The following PUDP variants were observed in gnomAD, a reference collection of about 807,000 sequenced individuals.
PUDP encodes the protein pseudouridine-5'-phosphatase.
In PUDP, 8 loss-of-function variants were observed where a neutral mutation model predicts 9.4. That is an observed-to-expected ratio of 0.85 (90% confidence interval 0.50 to 1.53). PUDP has a LOEUF of 1.53. Among genes scored for constraint, PUDP ranks in the 40% most tolerant of loss-of-function variants. The pLI is 0.00. For synonymous variants in PUDP, 99 were observed against 80.7 expected, an observed-to-expected ratio of 1.23 and a Z score of -1.22; for missense variants, 188 against 189.7, an observed-to-expected ratio of 0.99 and a Z score of 0.05.
chrX:7,003,072 G>A (rs1467893324), intron 1 of PUDP, among the ~76,000 whole-genome samples: 1 of 112,057 alleles, frequency 8.9e-6, no homozygotes, highest in East Asian at 2.8e-4. Flanking sequence ...TGGCTATTAT[G>A]TGGGACTGGA....
Position 6,727,378 on chromosome X carries a change from G to T in PUDP, c.*248-20912C>A, listed in dbSNP as rs1924751460. The stretch of plus-strand genomic sequence containing the variant: ...GTTTTAAAATCTGTATAAAATCCAT[G>T]CTTAAAATATAAATTTATAAATTAA... On this transcript the variant is annotated intron_variant and NMD_transcript_variant, in intron 3 of 3. Coordinates refer to the PUDP transcript ENST00000655425. Among the ~76,000 whole-genome samples the T allele has an allele frequency of 2.7e-5, 3 of 111,961 alleles. No homozygotes were observed. In the Admixed American group the frequency reaches 2.8e-4, roughly 11 times the overall value.
intron 3 of PUDP, among the ~76,000 whole-genome samples, chrX:6,898,088 G>A (rs1463003707): frequency 2.7e-5 from 3 of 112,042 alleles, no homozygotes; most frequent in African/African-American, 6.5e-5. Context: ...AAGACCCTGT[G>A]TCTTCCTTCT....
At chrX:6,813,554 T>C (rs1926179407) in intron 3 of PUDP, among the ~76,000 whole-genome samples, 1 of 111,752 alleles carries the variant, frequency 8.9e-6, no homozygotes, top group South Asian at 3.8e-4. Context: ...ACTCTCTCCT[T>C]TCCCCCCGTA....
At chrX:6,708,972 A>G (rs775424361) in intron 1 of PUDP, among the ~76,000 whole-genome samples, 1 of 112,223 alleles carries the variant, frequency 8.9e-6, no homozygotes, top group South Asian at 3.8e-4. Context: ...GCTCACAGGT[A>G]TATATATTGA....
intron 3 of PUDP, among the ~76,000 whole-genome samples, chrX:6,960,430 C>T (rs1020346592): frequency 8.9e-6 from 1 of 111,988 alleles, no homozygotes; most frequent in African/African-American, 3.2e-5. Flanking sequence ...CTGTAACTTA[C>T]TGCTCTTGCT....
intron 2 of PUDP, among the ~76,000 whole-genome samples, chrX:7,094,105 G>T (rs1040693512): frequency 9.0e-6 from 1 of 110,943 alleles, no homozygotes. Flanking sequence ...TCCAGCCTTG[G>T]CAATAGAGTG....
chrX:6,795,612 T>C (rs1234195841), intron 3 of PUDP, among the ~76,000 whole-genome samples: 1 of 111,310 alleles, frequency 9.0e-6, no homozygotes, highest in African/African-American at 3.3e-5. Context: ...GAGATATTCA[T>C]TGAACTGGTA....
chrX:7,045,912 T>C (rs1487174791), downstream of PUDP, among the ~76,000 whole-genome samples: 1 of 111,984 alleles, frequency 8.9e-6, no homozygotes, highest in Admixed American at 9.5e-5. Context: ...TGAAAAAATA[T>C]TGCTCTTAAA....
At chrX:7,137,425 C>T (rs190761831) in intron 1 of PUDP, among the ~76,000 whole-genome samples, 4 of 106,528 alleles carry the variant, frequency 3.8e-5, no homozygotes, top group African/African-American at 1.0e-4. Context: ...CGGGCACCTG[C>T]AGTCCCAGCT....
At chrX:7,019,010 T>C (rs1929591847) in intron 1 of PUDP, among the ~76,000 whole-genome samples, 1 of 112,164 alleles carries the variant, frequency 8.9e-6, no homozygotes, top group Non-Finnish European at 1.9e-5. Context: ...AGAAAATTAA[T>C]CCTTTATCAC....
Position 7,050,158 on chromosome X carries a change from T to C in PUDP, c.*138A>G. 1 of 570,725 alleles carries C rather than the reference T, an allele frequency of 1.8e-6. No individual in the cohort carries two copies. Among genetic ancestry groups the C allele is most frequent in the Non-Finnish European group, 2.7e-6 (1 of 372,565 alleles). The allele number at this position is 570,725 out of a possible 1,213,427, so 47.0% of individuals were successfully genotyped here. On this transcript the variant is annotated 3_prime_UTR_variant, in exon 4 of 4. Transcript: ENST00000381077. ...CACGTTAGACTGGGACAAACCAACA[T>C]GGGATGGAAACTCCAATCTCAGGAG...
chrX:7,119,514 G>GA (rs1396292256), intron 1 of PUDP, among the ~76,000 whole-genome samples: 3 of 112,333 alleles, frequency 2.7e-5, no homozygotes, highest in Non-Finnish European at 3.8e-5. Flanking sequence ...AGTGGGCTTA[G>GA]AAAAAAGTAT....
intron 3 of PUDP, among the ~76,000 whole-genome samples, chrX:6,769,309 G>A (rs1309868666): frequency 2.7e-5 from 3 of 111,900 alleles, no homozygotes; most frequent in Non-Finnish European, 5.6e-5. Flanking sequence ...TTCTCATTAA[G>A]TTGTGGGGAA....
chrX:6,841,657 G>A (rs1007869325), intron 3 of PUDP, among the ~76,000 whole-genome samples: 1 of 112,042 alleles, frequency 8.9e-6, no homozygotes, highest in African/African-American at 3.2e-5. Flanking sequence ...TTTATTTAAT[G>A]TAAGTTCAAT....
At chrX:7,037,527 C>A (rs190326581) in intron 1 of PUDP, among the ~76,000 whole-genome samples, 1 of 111,976 alleles carries the variant, frequency 8.9e-6, no homozygotes, top group African/African-American at 3.2e-5. Flanking sequence ...TGAACTGGGT[C>A]CACTCTGCCT....
intron 1 of PUDP, among the ~76,000 whole-genome samples, chrX:7,140,502 A>C (rs1050320122): frequency 9.0e-6 from 1 of 111,101 alleles, no homozygotes; most frequent in African/African-American, 3.3e-5. Context: ...GCTCCTTTAC[A>C]TTGCTTTAAG....
chrX:6,755,960 C>A (rs961886424), intron 3 of PUDP, among the ~76,000 whole-genome samples: 5 of 110,710 alleles, frequency 4.5e-5, no homozygotes, highest in Non-Finnish European at 9.4e-5. Flanking sequence ...GGGAACAGAG[C>A]TTTTTATGAG....
At chrX:6,769,832 C>T (rs1035774090) in intron 3 of PUDP, among the ~76,000 whole-genome samples, 4 of 111,742 alleles carry the variant, frequency 3.6e-5, no homozygotes, top group Non-Finnish European at 5.6e-5. Flanking sequence ...ATTTTGATGG[C>T]GAGAAAATAT....
At chrX:6,815,486 T>C (rs113237726) in intron 3 of PUDP, among the ~76,000 whole-genome samples, 3,336 of 112,031 alleles carry the variant, frequency 0.03, 121 homozygotes, top group African/African-American at 0.1. Context: ...TCCTTTAATT[T>C]GATTTATCAA....
Sources: allele counts gnomAD v4.1 joint callset (sites outside exome capture counted in the v4.1 genomes callset), GRCh38; gene constraint gnomAD v4.1.1; transcripts MANE v1.5; gene names NCBI Gene and HGNC (gene_info 2026-07-23, HGNC 2026-07-21).